The following ZUP1 variants were observed in gnomAD, a reference collection of about 807,000 sequenced individuals.
ZUP1 encodes zinc finger-containing ubiquitin peptidase 1.
Under a neutral mutation model 68.1 loss-of-function variants are expected in ZUP1, and 55 were observed. The ratio of observed to expected loss-of-function variants is 0.81; its 90% CI spans 0.65 to 1.01. The LOEUF (loss-of-function observed/expected upper bound fraction) is 1.01. Among genes scored for constraint, ZUP1 ranks in the 50% least tolerant of loss-of-function variants. The pLI is 0.00. For missense variants in ZUP1, 684 were observed against 674.9 expected, an observed-to-expected ratio of 1.01 and a Z score of -0.15; for synonymous variants, 223 against 221.5, an observed-to-expected ratio of 1.01 and a Z score of -0.06.
chr6:116,668,357 G>A (rs976502067), intron 1 of ZUP1, among the ~76,000 whole-genome samples: 1 of 152,178 alleles, frequency 6.6e-6, no homozygotes, highest in South Asian at 2.1e-4. Flanking sequence ...AGACAAGAGA[G>A]TACCCAGGTG....
At position 116,668,739 on chromosome 6, in the gene ZUP1, C is replaced by T. The variant is rs1327598382; in HGVS notation, c.-189G>A. On this transcript the variant is annotated 5_prime_UTR_variant, in exon 1 of 10. Transcript: ENST00000368576. The stretch of plus-strand genomic sequence containing the variant: ...AACCGAGGAAAGAATTAGGAACTTC[C>T]AACACCTTGGCCCTCAGTACCTCAT... 3 of 152,324 alleles carry T rather than the reference C, an allele frequency of 2.0e-5. No individual in the cohort carries two copies. Among genetic ancestry groups the T allele is most frequent in the Non-Finnish European group, 4.4e-5 (3 of 68,132 alleles). The allele number at this position is 152,324 out of a possible 1,614,324, so 9.4% of individuals were successfully genotyped here.
intron 2 of ZUP1, 146 bp from the exon 3 acceptor site, chr6:116,660,992 T>C: frequency 1.8e-6 from 1 of 543,274 alleles, no homozygotes; most frequent in Non-Finnish European, 3.2e-6. Context: ...AATCCTCCCA[T>C]CTCAGCCTCC....
intron 2 of ZUP1, among the ~76,000 whole-genome samples, chr6:116,663,785 TA>T (rs1216326698): frequency 0.017 from 2,535 of 145,292 alleles, 72 homozygotes; most frequent in African/African-American, 0.058. Flanking sequence ...TATTAAATAT[TA>T]AAAAAAAAAA....
intron 8 of ZUP1, among the ~76,000 whole-genome samples, chr6:116,646,543 A>C (rs1776315475): frequency 1.3e-5 from 2 of 152,218 alleles, no homozygotes; most frequent in Admixed American, 1.3e-4. Flanking sequence ...TGAGGTAAAT[A>C]AGTGAAGAAA....
rs1319970310 is a variant in ZUP1 at position 116,656,776 on chromosome 6, C to G, written c.869G>C (p.Gly290Ala). The change falls in exon 5 of 10, where the codon GGA becomes GCA. Residue 290 changes from glycine (G) to alanine (A), a missense_variant. Physicochemically the swap from Gly to Ala is moderately conservative, Grantham distance 60 (BLOSUM62 0). Coordinates refer to ENST00000368576, the MANE Select transcript of ZUP1 (RefSeq NM_145062.3). Reference sequence around the variant, plus strand: ...ATGAAATTCAGATGGAGGCATTCTTCCCCTATTTACTTCTATCTCCATATT... The same window carrying G: ...ATGAAATTCAGATGGAGGCATTCTTGCCCTATTTACTTCTATCTCCATATT... ...LRNMEIEVNR[G>A]RMPPSEFHRR... 6.2e-7 allele frequency: 1 copy of G among 1,611,404 alleles called. No homozygotes were observed. Among genetic ancestry groups the G allele is most frequent in the Non-Finnish European group, 8.5e-7 (1 of 1,178,172 alleles).
At position 116,665,319 on chromosome 6, in the gene ZUP1, T is replaced by A. The variant is rs574916351; in HGVS notation, c.559+1315A>T. ...TACCTTTTACATAGAGTAATTCAAATGTATCACAGATCTAAATGTAAAATA... is the reference window on the plus strand; with the variant it reads ...TACCTTTTACATAGAGTAATTCAAAAGTATCACAGATCTAAATGTAAAATA... On this transcript the variant is annotated intron_variant, in intron 2 of 9. Transcript: ENST00000368576. Among the ~76,000 whole-genome samples the A allele has an allele frequency of 3.7e-4, 56 of 152,276 alleles. 1 individual carries two copies. In the South Asian group the frequency reaches 0.011, roughly 31 times the overall value.
At chr6:116,658,181 GA>G (rs1776724873) in intron 4 of ZUP1, among the ~76,000 whole-genome samples, 2 of 150,920 alleles carry the variant, frequency 1.3e-5, no homozygotes, top group Non-Finnish European at 2.9e-5. Context: ...AATTAGGACT[GA>G]AAAAAGGAAA....
chr6:116,645,996 CTGTA>C (rs1258094745), intron 8 of ZUP1, 62 bp from the exon 9 acceptor site: 384 of 1,194,160 alleles, frequency 3.2e-4, no homozygotes, highest in Non-Finnish European at 3.2e-5. Flanking sequence ...CAAATAGTCT[CTGTA>C]TGTATGTTGT....
At chr6:116,651,978 A>C in intron 6 of ZUP1, 26 bp downstream of exon 6, 1 of 1,605,570 alleles carries the variant, frequency 6.2e-7, no homozygotes, top group South Asian at 1.1e-5. Flanking sequence ...TCAGATGACA[A>C]GTTCAGAGTA....
chr6:116,642,776 C>T (rs1013867620), intron 9 of ZUP1, among the ~76,000 whole-genome samples: 1 of 151,974 alleles, frequency 6.6e-6, no homozygotes, highest in South Asian at 2.1e-4. Context: ...AAAACTGGCA[C>T]AAGACAGGGA....
intron 9 of ZUP1, among the ~76,000 whole-genome samples, chr6:116,643,306 A>C (rs889720458): frequency 6.6e-6 from 1 of 151,318 alleles, no homozygotes; most frequent in Non-Finnish European, 1.5e-5. Context: ...CAAGCTACCA[A>C]TGACTTTCTT....
chr6:116,651,852 ATCT>A (rs1438244799), intron 6 of ZUP1, 115 bp from the exon 7 acceptor site: 14 of 1,404,642 alleles, frequency 1.0e-5, no homozygotes, highest in African/African-American at 4.3e-5. Flanking sequence ...TATTCCTGAC[ATCT>A]TCTATCATTT....
chr6:116,664,725 G>A (rs1275570945), intron 2 of ZUP1, among the ~76,000 whole-genome samples: 2 of 152,040 alleles, frequency 1.3e-5, no homozygotes, highest in Non-Finnish European at 2.9e-5. Flanking sequence ...AAATACAGCA[G>A]AAGTAAGAGA....
At chr6:116,637,171 A>G (rs1386885545) in intron 9 of ZUP1, among the ~76,000 whole-genome samples, 1 of 152,208 alleles carries the variant, frequency 6.6e-6, no homozygotes, top group Admixed American at 6.5e-5. Context: ...AGAAGAGGCA[A>G]TATAGGGCTC....
At chr6:116,650,595 T>C (rs947410022) in intron 7 of ZUP1, among the ~76,000 whole-genome samples, 2 of 152,162 alleles carry the variant, frequency 1.3e-5, no homozygotes, top group African/African-American at 4.8e-5. Context: ...CTAACTACTA[T>C]TAATACCTTC....
chr6:116,635,969 G>A (rs1775901390), intron 9 of ZUP1, 90 bp from the exon 10 acceptor site: 6 of 894,482 alleles, frequency 6.7e-6, no homozygotes, highest in Admixed American at 3.2e-5. Flanking sequence ...ATAAAATCTG[G>A]AATTTTTTTT....
Position 116,639,846 on chromosome 6 carries a change from T to C in ZUP1, c.1690-3967A>G, listed in dbSNP as rs556057822. Among the ~76,000 whole-genome samples, 12 of 152,242 alleles carry C rather than the reference T, an allele frequency of 7.9e-5. No individual in the cohort carries two copies. The South Asian group carries it at 2.1e-3, about 26-fold the overall frequency. The stretch of plus-strand genomic sequence containing the variant: ...GAACAAAGCTGGACGGAGAATGACT[T>C]TGACAAGTTGAGAGAAGAAGGCTTC... On this transcript the variant is annotated intron_variant, in intron 9 of 9. Transcript: ENST00000368576.
chr6:116,653,229 C>T (rs1776569758), intron 5 of ZUP1, among the ~76,000 whole-genome samples: 1 of 151,902 alleles, frequency 6.6e-6, no homozygotes, highest in African/African-American at 2.4e-5. Flanking sequence ...CTTCATAGAC[C>T]CTTTTTCTGA....
chr6:116,649,943 A>C lies in ZUP1; in HGVS notation c.1316+1629T>G, dbSNP rs1396244433. 1.3e-5 allele frequency among the ~76,000 whole-genome samples: 2 copies of C among 152,252 alleles called. 1 individual carries two copies. The highest frequency in any genetic ancestry group is 1.3e-4 in the Admixed American group (2 of 15,276). On this transcript the variant is annotated intron_variant, in intron 7 of 9. Coordinates refer to ENST00000368576, the MANE Select transcript of ZUP1 (RefSeq NM_145062.3). ...TACTAATATCGAACAAACAAAATGC[A>C]GGCAATAGAAAGAAAACATTGGAAG...
Sources: gnomAD v4.1 joint callset for allele counts (sites outside exome capture counted in the v4.1 genomes callset) on GRCh38, gnomAD v4.1.1 for gene constraint, MANE v1.5 for transcripts, NCBI Gene and HGNC (gene_info 2026-07-23, HGNC 2026-07-21) for gene names.